The following LRCH1 variants were observed in gnomAD, a reference collection of about 807,000 sequenced individuals.
LRCH1 encodes the protein leucine-rich repeat and calponin homology domain-containing protein 1.
Under a neutral mutation model 94.9 loss-of-function variants are expected in LRCH1, and 23 were observed. That is an observed-to-expected ratio of 0.24 (90% CI 0.17 to 0.34). The LOEUF is 0.34. Among genes scored for constraint, LRCH1 ranks in the 10% least tolerant of loss-of-function variants. The pLI, the probability that LRCH1 is intolerant of heterozygous loss-of-function variation, is 1.00. For missense variants in LRCH1, 790 were observed against 945.9 expected (o/e 0.84, Z 2.16); for synonymous variants, 364 against 354.9 (o/e 1.03, Z -0.29).
intron 1 of LRCH1, among the ~76,000 whole-genome samples, chr13:46,586,066 T>C (rs1224401178): frequency 6.6e-6 from 1 of 152,200 alleles, no homozygotes; most frequent in Admixed American, 6.5e-5. Flanking sequence ...TTTTATAACT[T>C]TAAAAGCCTC....
chr13:46,700,828 C>T (rs560176403), intron 10 of LRCH1, among the ~76,000 whole-genome samples: 14 of 152,296 alleles, frequency 9.2e-5, no homozygotes, highest in African/African-American at 3.1e-4. Flanking sequence ...CGGTGAAAGC[C>T]TCTCATCTAG....
intron 4 of LRCH1, among the ~76,000 whole-genome samples, chr13:46,682,511 G>A (rs1372220657): frequency 6.6e-6 from 1 of 152,154 alleles, no homozygotes; most frequent in Non-Finnish European, 1.5e-5. Context: ...GAATTGTTTT[G>A]GGTATGGGTA....
chr13:46,657,349 T>TTGG (rs2051382063), intron 2 of LRCH1, among the ~76,000 whole-genome samples: 1 of 149,962 alleles, frequency 6.7e-6, no homozygotes, highest in Admixed American at 6.7e-5. Flanking sequence ...AACACTGCAC[T>TTGG]TTACCAAGTC....
At chr13:46,581,183 C>T (rs2050360719) in intron 1 of LRCH1, among the ~76,000 whole-genome samples, 2 of 152,192 alleles carry the variant, frequency 1.3e-5, no homozygotes, top group South Asian at 4.1e-4. Context: ...TTTTCCTTTG[C>T]TCCTTCAATC....
At chr13:46,661,866 G>A (rs1250735828) in intron 2 of LRCH1, among the ~76,000 whole-genome samples, 4 of 152,114 alleles carry the variant, frequency 2.6e-5, no homozygotes, top group African/African-American at 9.7e-5. Context: ...GCTCACCTAA[G>A]TCAGTATCAG....
At chr13:46,693,010 C>T (rs893079053) in intron 8 of LRCH1, among the ~76,000 whole-genome samples, 3 of 149,900 alleles carry the variant, frequency 2.0e-5, no homozygotes, top group African/African-American at 4.9e-5. Context: ...CTCTGTCTCC[C>T]AGGCTGGATG....
At chr13:46,738,090 G>A (rs955057103) in intron 19 of LRCH1, among the ~76,000 whole-genome samples, 1 of 152,260 alleles carries the variant, frequency 6.6e-6, no homozygotes, top group Non-Finnish European at 1.5e-5. Context: ...TTGTCTAAAT[G>A]TTCAGTCCTT....
intron 1 of LRCH1, among the ~76,000 whole-genome samples, chr13:46,601,027 T>G (rs2050622312): frequency 6.6e-6 from 1 of 152,230 alleles, no homozygotes; most frequent in Non-Finnish European, 1.5e-5. Flanking sequence ...TAGAATCAGA[T>G]CTATACTTTG....
rs190455778 is a variant in LRCH1 at position 46,587,617 on chromosome 13, C to T, written c.307+33914C>T. On this transcript the variant is annotated intron_variant, in intron 1 of 19. Coordinates refer to ENST00000389797, the MANE Select transcript of LRCH1 (RefSeq NM_001164211.2). Reference sequence around the variant, plus strand: ...TCTTTTTAGTAAATGCTTCTTTTAACGGTCATGGTTAGTTAGGACTTAGAG... The same window carrying T: ...TCTTTTTAGTAAATGCTTCTTTTAATGGTCATGGTTAGTTAGGACTTAGAG... Among the ~76,000 whole-genome samples the T allele has an allele frequency of 5.6e-3, 849 of 152,268 alleles. 4 individuals carry two copies. Among genetic ancestry groups the T allele is most frequent in the South Asian group, 0.02 (97 of 4,824 alleles).
intron 1 of LRCH1, among the ~76,000 whole-genome samples, chr13:46,580,943 T>C (rs1209197653): frequency 6.6e-6 from 1 of 152,214 alleles, no homozygotes; most frequent in African/African-American, 2.4e-5. Context: ...AAAATGTCAT[T>C]AAAATACTAG....
chr13:46,711,432 C>T (rs918167951), intron 13 of LRCH1, among the ~76,000 whole-genome samples: 2 of 152,138 alleles, frequency 1.3e-5, no homozygotes, highest in South Asian at 2.1e-4. Context: ...GAAGTACTAC[C>T]TTGAACCATT....
At chr13:46,594,726 G>A (rs551999307) in intron 1 of LRCH1, among the ~76,000 whole-genome samples, 41 of 152,226 alleles carry the variant, frequency 2.7e-4, no homozygotes, top group African/African-American at 9.4e-4. Context: ...CTTAATTTTG[G>A]TGAATAAAAT....
At chr13:46,740,021 T>C (rs559669778) in intron 19 of LRCH1, among the ~76,000 whole-genome samples, 2 of 152,362 alleles carry the variant, frequency 1.3e-5, no homozygotes, top group Admixed American at 6.5e-5. Flanking sequence ...GCTTTTAACA[T>C]GAAAATACTA....
intron 18 of LRCH1, among the ~76,000 whole-genome samples, chr13:46,729,936 G>C (rs910986082): frequency 6.6e-6 from 1 of 152,200 alleles, no homozygotes; most frequent in African/African-American, 2.4e-5. Context: ...TGCGCCCCCA[G>C]ATCCTCATCT....
chr13:46,564,303 C>T (rs545513910), intron 1 of LRCH1, among the ~76,000 whole-genome samples: 21 of 152,298 alleles, frequency 1.4e-4, no homozygotes, highest in African/African-American at 4.8e-4. Flanking sequence ...TTTGGTTCTC[C>T]CGCCAACCCA....
chr13:46,670,284 C>T (rs772158155), intron 3 of LRCH1, among the ~76,000 whole-genome samples: 4 of 152,196 alleles, frequency 2.6e-5, no homozygotes, highest in Non-Finnish European at 5.9e-5. Flanking sequence ...TTAGAGGATA[C>T]AGGGGTCCAT....
At chr13:46,746,423 T>G (rs1873914163), downstream of LRCH1, among the ~76,000 whole-genome samples, 1 of 152,126 alleles carries the variant, frequency 6.6e-6, no homozygotes, top group Non-Finnish European at 1.5e-5. Context: ...ACCTAACAGA[T>G]TCTACCATTG....
chr13:46,692,747 T>C (rs1056213420), intron 8 of LRCH1, 106 bp downstream of exon 8: 8 of 793,330 alleles, frequency 1.0e-5, no homozygotes, highest in Non-Finnish European at 1.6e-5. Flanking sequence ...CTAGAGTATG[T>C]CCTATGTACC....
intron 1 of LRCH1, among the ~76,000 whole-genome samples, chr13:46,579,384 A>G (rs1389794665): frequency 6.6e-6 from 1 of 152,190 alleles, no homozygotes; most frequent in Non-Finnish European, 1.5e-5. Flanking sequence ...TAAGCTGCCA[A>G]TATAAGACAG....
Sources: gnomAD v4.1 joint callset for allele counts (sites outside exome capture counted in the v4.1 genomes callset) on GRCh38, gnomAD v4.1.1 for gene constraint, MANE v1.5 for transcripts, NCBI Gene and HGNC (gene_info 2026-07-23, HGNC 2026-07-21) for gene names.